FRMD6: variants seen among roughly 807,000 people sequenced by gnomAD.
The protein encoded by FRMD6 is FERM domain-containing protein 6.
A neutral mutation model predicts 73.2 loss-of-function variants in FRMD6; 37 were observed. The ratio of observed to expected loss-of-function variants is 0.51; its 90% CI spans 0.39 to 0.66. The LOEUF (loss-of-function observed/expected upper bound fraction) is 0.66. Among genes scored for constraint, FRMD6 ranks in the 30% least tolerant of loss-of-function variants. The probability of loss-of-function intolerance (pLI) is 0.00; values close to 1 mark genes in which losing one functional copy is unlikely to be tolerated. For missense variants in FRMD6, 714 were observed against 780.5 expected, an observed-to-expected ratio of 0.91 and a Z score of 1.02; for synonymous variants, 273 against 282.2, an observed-to-expected ratio of 0.97 and a Z score of 0.33.
intron 1 of FRMD6, among the ~76,000 whole-genome samples, chr14:51,674,788 T>C (rs181123177): frequency 6.6e-6 from 1 of 152,130 alleles, no homozygotes; most frequent in Admixed American, 6.5e-5. Flanking sequence ...TGTTCTCTTT[T>C]GGTAATATGG....
At chr14:51,438,473 G>A in the FRMD6 span, among the ~76,000 whole-genome samples, 4 of 152,188 alleles carry the variant, frequency 2.6e-5, no homozygotes, top group Admixed American at 2.6e-4. Flanking sequence ...TCTCAGCATA[G>A]ATATGCTTAC....
chr14:51,627,123 A>G (rs182530167), intron 2 of FRMD6, among the ~76,000 whole-genome samples: 15 of 152,262 alleles, frequency 9.9e-5, no homozygotes, highest in East Asian at 3.9e-4. Flanking sequence ...AGTGTATTAT[A>G]TTTATCTGCA....
chr14:51,450,673 A>C, the FRMD6 span, among the ~76,000 whole-genome samples: 1 of 152,174 alleles, frequency 6.6e-6, no homozygotes. Context: ...TTTTTGTATG[A>C]GATCTCATGA....
the FRMD6 span, among the ~76,000 whole-genome samples, chr14:51,443,470 G>A: frequency 1.3e-5 from 2 of 152,154 alleles, no homozygotes; most frequent in African/African-American, 4.8e-5. Flanking sequence ...AAGGTTTATG[G>A]CTGCCAAAAA....
intron 1 of FRMD6, among the ~76,000 whole-genome samples, chr14:51,659,843 A>G (rs1214470857): frequency 6.6e-6 from 1 of 152,236 alleles, no homozygotes; most frequent in Non-Finnish European, 1.5e-5. Context: ...GGCACAGTTT[A>G]TATAATGTGG....
intron 2 of FRMD6, among the ~76,000 whole-genome samples, chr14:51,588,180 T>C (rs1889164269): frequency 6.6e-6 from 1 of 152,146 alleles, no homozygotes. Flanking sequence ...CAAAAAAGCA[T>C]TTCCCCCCCT....
chr14:51,547,623 A>C (rs1299141459), intron 1 of FRMD6: 4 of 152,182 alleles, frequency 2.6e-5, no homozygotes, highest in Non-Finnish European at 5.9e-5. Flanking sequence ...TGATTTAAGG[A>C]AACCATTTTT....
At chr14:51,554,526 CTA>C (rs1317477945) in intron 1 of FRMD6, 3 of 152,178 alleles carry the variant, frequency 2.0e-5, no homozygotes, top group Non-Finnish European at 2.9e-5. Context: ...CATGTTGATG[CTA>C]TGTTATCCTT....
At chr14:51,638,298 C>CAA (rs1428393772) in intron 2 of FRMD6, among the ~76,000 whole-genome samples, 1 of 151,996 alleles carries the variant, frequency 6.6e-6, no homozygotes, top group Non-Finnish European at 1.5e-5. Context: ...AAAAGTTTGC[C>CAA]AAATTCCTTC....
chr14:51,722,104 C>A, intron 12 of FRMD6, 24 bp downstream of exon 12: 2 of 1,612,780 alleles, frequency 1.2e-6, no homozygotes, highest in Non-Finnish European at 1.7e-6. Context: ...GGAAGTTATT[C>A]TTCCTTGGTA....
In FRMD6 at chr14:51,561,910, T is replaced by C. The variant is rs138932878; in HGVS notation, c.-209-8438T>C. Among the ~76,000 whole-genome samples the C allele has an allele frequency of 2.7e-3, 416 of 152,372 alleles. 1 individual carries two copies. The highest frequency in any genetic ancestry group is 9.3e-3 in the African/African-American group (388 of 41,584). The stretch of plus-strand genomic sequence containing the variant: ...AAAAAATATATATTTAGTTTATCTT[T>C]GCTAGAAAATCTGATCTTGTAGAAC... On this transcript the variant is annotated intron_variant, in intron 1 of 14. Transcript: ENST00000356218.
chr14:51,459,131 C>T, the FRMD6 span, among the ~76,000 whole-genome samples: 11 of 152,196 alleles, frequency 7.2e-5, no homozygotes, highest in Non-Finnish European at 1.2e-4. Context: ...ATCTATTTAC[C>T]TATAACTGAA....
At chr14:51,727,143 A>AC (rs2081159810) in intron 13 of FRMD6, among the ~76,000 whole-genome samples, 1 of 151,956 alleles carries the variant, frequency 6.6e-6, no homozygotes, top group South Asian at 2.1e-4. Flanking sequence ...CACCAAGAAC[A>AC]CCCTATATCC....
chr14:51,694,716 G>C (rs1895828292), intron 2 of FRMD6, among the ~76,000 whole-genome samples: 1 of 152,076 alleles, frequency 6.6e-6, no homozygotes, highest in African/African-American at 2.4e-5. Flanking sequence ...TCCATATAGA[G>C]TATATTTTTA....
chr14:51,500,745 C>T (rs550911745), intron 1 of FRMD6, among the ~76,000 whole-genome samples: 7 of 151,948 alleles, frequency 4.6e-5, no homozygotes, highest in African/African-American at 1.5e-4. Flanking sequence ...TATATATGTA[C>T]ATATATACAT....
the FRMD6 span, among the ~76,000 whole-genome samples, chr14:51,409,162 G>A: frequency 6.6e-6 from 1 of 151,890 alleles, no homozygotes; most frequent in African/African-American, 2.4e-5. Flanking sequence ...CATTCATGGG[G>A]GTCTCCTATT....
chr14:51,566,363 T>A lies in FRMD6; in HGVS notation c.-209-3985T>A, dbSNP rs935714441. 7.2e-5 allele frequency among the ~76,000 whole-genome samples: 11 copies of A among 152,198 alleles called. No individual in the cohort carries two copies. In the East Asian group the frequency reaches 2.1e-3, roughly 29 times the overall value. On this transcript the variant is annotated intron_variant, in intron 1 of 14. Transcript: ENST00000356218. ...ATCGATTGTCCAGAGTAAAGACCCA[T>A]ACAGATGTGTCTGGCTTTATAGAAT... is the stretch of plus-strand genomic sequence containing the variant.
At chr14:51,543,388 T>A (rs1281721737) in intron 1 of FRMD6, among the ~76,000 whole-genome samples, 1 of 152,010 alleles carries the variant, frequency 6.6e-6, no homozygotes, top group East Asian at 1.9e-4. Context: ...CATGCCTTAT[T>A]TAGAAGGGTT....
chr14:51,691,955 A>AAT (rs5808629), intron 2 of FRMD6, among the ~76,000 whole-genome samples: 84,746 of 151,834 alleles, frequency 0.56, 23,803 homozygotes, highest in East Asian at 0.65. Flanking sequence ...ATTATGCTGA[A>AAT]ATATATGACA....
Sources: allele counts gnomAD v4.1 joint callset (sites outside exome capture counted in the v4.1 genomes callset), GRCh38; gene constraint gnomAD v4.1.1; transcripts MANE v1.5; gene names NCBI Gene and HGNC (gene_info 2026-07-23, HGNC 2026-07-21).